Variants in HS3ST5 observed in about 807,000 individuals in gnomAD.
The protein encoded by HS3ST5 is heparan sulfate-glucosamine 3-sulfotransferase 5.
Under a neutral mutation model 25.4 loss-of-function variants are expected in HS3ST5, and 10 were observed. The ratio of observed to expected loss-of-function variants is 0.39; its 90% confidence interval spans 0.24 to 0.67. The LOEUF is 0.67. Ranked by LOEUF, HS3ST5 falls within the 30% of genes least tolerant of loss-of-function variation. HS3ST5 has a pLI of 0.44. For synonymous variants in HS3ST5, 170 were observed against 162.4 expected, an observed-to-expected ratio of 1.05 and a Z score of -0.36; for missense variants, 324 against 420.7, an observed-to-expected ratio of 0.77 and a Z score of 2.01.
chr6:114,128,443 T>G (rs936004409), intron 3 of HS3ST5, among the ~76,000 whole-genome samples: 3 of 140,090 alleles, frequency 2.1e-5, no homozygotes, highest in Non-Finnish European at 3.0e-5. Flanking sequence ...CCTGTCTACA[T>G]GTCAGGCACT....
chr6:114,318,948 A>G (rs1317198272), intron 1 of HS3ST5, among the ~76,000 whole-genome samples: 1 of 152,206 alleles, frequency 6.6e-6, no homozygotes, highest in East Asian at 1.9e-4. Context: ...AGGAGACACA[A>G]AATGTAGGTA....
chr6:114,318,268 T>A (rs1775824310), intron 1 of HS3ST5, among the ~76,000 whole-genome samples: 1 of 152,216 alleles, frequency 6.6e-6, no homozygotes, highest in African/African-American at 2.4e-5. Flanking sequence ...TATATTTTTT[T>A]AACAAGTTCT....
chr6:114,113,469 A>T (rs1369115207), intron 3 of HS3ST5, among the ~76,000 whole-genome samples: 1 of 151,810 alleles, frequency 6.6e-6, no homozygotes, highest in African/African-American at 2.4e-5. Context: ...GTTTCCACCC[A>T]GGAGAGTTGT....
At chr6:114,220,523 T>C (rs1781982221) in intron 2 of HS3ST5, among the ~76,000 whole-genome samples, 1 of 152,074 alleles carries the variant, frequency 6.6e-6, no homozygotes, top group African/African-American at 2.4e-5. Context: ...ACTTAAGTTA[T>C]TTTCCAAGCT....
At chr6:114,167,769 A>C (rs1381418620) in intron 3 of HS3ST5, 1 of 152,198 alleles carries the variant, frequency 6.6e-6, no homozygotes, top group Admixed American at 6.5e-5. Flanking sequence ...ATATGGATAA[A>C]AAGCACGATA....
At chr6:114,174,378 C>T (rs187484439) in intron 2 of HS3ST5, among the ~76,000 whole-genome samples, 1 of 152,108 alleles carries the variant, frequency 6.6e-6, no homozygotes, top group Admixed American at 6.5e-5. Context: ...AGAGTGTAAG[C>T]AGCATAAGGG....
At chr6:114,227,793 T>A (rs535966749) in intron 2 of HS3ST5, among the ~76,000 whole-genome samples, 4 of 152,200 alleles carry the variant, frequency 2.6e-5, no homozygotes, top group Admixed American at 2.6e-4. Context: ...TAGAAATTTC[T>A]TATAATTAGA....
intron 3 of HS3ST5, among the ~76,000 whole-genome samples, chr6:114,163,081 A>G (rs1562221571): frequency 6.6e-6 from 1 of 152,174 alleles, no homozygotes; most frequent in Non-Finnish European, 1.5e-5. Flanking sequence ...TAGGCTTCTT[A>G]TATGATTAGG....
At chr6:114,149,367 G>A (rs888206978) in intron 3 of HS3ST5, among the ~76,000 whole-genome samples, 22 of 152,320 alleles carry the variant, frequency 1.4e-4, no homozygotes, top group Admixed American at 3.3e-4. Flanking sequence ...TAAAGAAAAT[G>A]TGGCAAATGT....
At chr6:114,313,433 C>T (rs1004187675) in intron 1 of HS3ST5, among the ~76,000 whole-genome samples, 2 of 152,150 alleles carry the variant, frequency 1.3e-5, no homozygotes, top group African/African-American at 4.8e-5. Context: ...CTGTAATCAA[C>T]CCAAATGTCC....
chr6:114,326,504 C>T (rs2114899717), intron 1 of HS3ST5, among the ~76,000 whole-genome samples: 1 of 152,262 alleles, frequency 6.6e-6, no homozygotes, highest in African/African-American at 2.4e-5. Context: ...ATATTTGAAC[C>T]TTTATTCCTC....
chr6:114,074,360 C>T (rs1437302694), intron 3 of HS3ST5, among the ~76,000 whole-genome samples: 1 of 151,476 alleles, frequency 6.6e-6, no homozygotes, highest in Non-Finnish European at 1.5e-5. Flanking sequence ...ACAAATACTA[C>T]AAACCACACC....
intron 2 of HS3ST5, among the ~76,000 whole-genome samples, chr6:114,225,329 C>T (rs1402049763): frequency 2.0e-5 from 3 of 151,826 alleles, no homozygotes; most frequent in African/African-American, 7.2e-5. Flanking sequence ...AGTAGACTTG[C>T]TGTTTTGTTT....
intron 1 of HS3ST5, among the ~76,000 whole-genome samples, chr6:114,317,497 T>C (rs924549998): frequency 6.6e-6 from 1 of 152,208 alleles, no homozygotes; most frequent in African/African-American, 2.4e-5. Flanking sequence ...CTCTTTCTTC[T>C]GGGTTTGGAG....
chr6:114,148,052 A>C (rs764136174), intron 3 of HS3ST5, among the ~76,000 whole-genome samples: 95 of 152,222 alleles, frequency 6.2e-4, no homozygotes, highest in Non-Finnish European at 1.2e-3. Flanking sequence ...AGGTACCATA[A>C]GATCATTTTT....
intron 1 of HS3ST5, among the ~76,000 whole-genome samples, chr6:114,309,764 AT>A (rs1252922832): frequency 1.3e-5 from 2 of 152,184 alleles, no homozygotes; most frequent in African/African-American, 4.8e-5. Context: ...AAAACATTAA[AT>A]ATCCTTTTGT....
chr6:114,110,463 GA>G (rs1776214257), intron 3 of HS3ST5, among the ~76,000 whole-genome samples: 1 of 152,166 alleles, frequency 6.6e-6, no homozygotes, highest in Non-Finnish European at 1.5e-5. Flanking sequence ...GTAGGGATGA[GA>G]AGAGCCATGT....
chr6:114,211,442 T>G (rs972589684), intron 2 of HS3ST5, among the ~76,000 whole-genome samples: 5 of 152,218 alleles, frequency 3.3e-5, no homozygotes, highest in Admixed American at 3.3e-4. Flanking sequence ...AGCCACTGGT[T>G]CCTATGACTC....
chr6:114,206,579 T>A (rs1284563266), intron 2 of HS3ST5, among the ~76,000 whole-genome samples: 1 of 152,102 alleles, frequency 6.6e-6, no homozygotes, highest in South Asian at 2.1e-4. Context: ...CACATAACAC[T>A]CTAAGCCTGA....
Sources: gnomAD v4.1 joint callset for allele counts (sites outside exome capture counted in the v4.1 genomes callset) on GRCh38, gnomAD v4.1.1 for gene constraint, MANE v1.5 for transcripts, NCBI Gene and HGNC (gene_info 2026-07-23, HGNC 2026-07-21) for gene names.